Variants in CACNA1D observed in about 807,000 individuals in gnomAD.
The protein encoded by CACNA1D is calcium voltage-gated channel subunit alpha1 D.
Under a neutral mutation model 257.1 loss-of-function variants are expected in CACNA1D, and 55 were observed. That is an observed-to-expected ratio of 0.21 (90% CI 0.17 to 0.27). The LOEUF is 0.27. CACNA1D is among the 10% of genes least tolerant of loss of function. CACNA1D has a pLI of 1.00. For synonymous variants in CACNA1D, 980 were observed against 1,014.9 expected (o/e 0.97, Z 0.65); for missense variants, 1,876 against 2,784.0 (o/e 0.67, Z 7.34).
chr3:53,501,712 C>T lies in CACNA1D; in HGVS notation c.475C>T (p.His159Tyr), dbSNP rs2090611084. The T allele has an allele frequency of 2.6e-6, 4 of 1,560,162 alleles. No individual in the cohort carries two copies. The highest frequency in any genetic ancestry group is 1.7e-5 in the Admixed American group (1 of 59,930). Reference protein sequence around the residue: ...FPEDDSNSTNHNLEKVEYAFL... With the variant: ...FPEDDSNSTNYNLEKVEYAFL... ...TGAAGATGATTCTAATTCAACAAAT[C>T]ATAACTTGGTAAGTGTCCTTAGAGT... The change falls in exon 3 of 48, where the codon CAT (histidine) becomes TAT (tyrosine). Residue 159 changes from histidine (H) to tyrosine (Y), a missense_variant. Coordinates refer to ENST00000350061, the MANE Select transcript of CACNA1D (RefSeq NM_001128840.3).
At chr3:53,694,042 G>A (rs544725988) in intron 8 of CACNA1D, among the ~76,000 whole-genome samples, 1 of 152,338 alleles carries the variant, frequency 6.6e-6, no homozygotes, top group Non-Finnish European at 1.5e-5. Flanking sequence ...ATCTGCGGCA[G>A]TCCCATTCCA....
intron 3 of CACNA1D, among the ~76,000 whole-genome samples, chr3:53,549,201 G>A (rs1473617362): frequency 3.3e-5 from 5 of 152,188 alleles, no homozygotes; most frequent in Non-Finnish European, 5.9e-5. Context: ...GCTGAGTATA[G>A]TAGGCATTTT....
chr3:53,801,989 T>C (rs2095538524), intron 42 of CACNA1D, among the ~76,000 whole-genome samples, 158 bp from the exon 43 acceptor site: 1 of 152,246 alleles, frequency 6.6e-6, no homozygotes, highest in African/African-American at 2.4e-5. Context: ...TCATAGCCCA[T>C]GGGTCATACA....
intron 34 of CACNA1D, 110 bp from the exon 35 acceptor site, chr3:53,775,776 C>G: frequency 9.5e-7 from 1 of 1,054,128 alleles, no homozygotes; most frequent in Non-Finnish European, 1.5e-6. Flanking sequence ...ATTGGATTTT[C>G]TTCAAATGAC....
chr3:53,803,317 A>T, intron 43 of CACNA1D, 106 bp from the exon 44 acceptor site: 2 of 1,264,130 alleles, frequency 1.6e-6, no homozygotes, highest in Non-Finnish European at 2.3e-6. Flanking sequence ...CGCTGGGAGA[A>T]GCCAGGAGCA....
chr3:53,664,046 G>A (rs930657460), intron 5 of CACNA1D, among the ~76,000 whole-genome samples: 4 of 152,290 alleles, frequency 2.6e-5, no homozygotes, highest in East Asian at 1.9e-4. Flanking sequence ...GATTACAGGC[G>A]TGAGCTACCT....
At position 53,813,213 on chromosome 3, in the gene CACNA1D, A is replaced by G. The variant is rs2095608528; in HGVS notation, c.*1807A>G. The G allele has an allele frequency of 3.5e-5, 5 of 142,570 alleles. No individual in the cohort carries two copies. The allele number at this position is 142,570 out of a possible 1,614,324, so 8.8% of individuals were successfully genotyped here. A position where few individuals can be genotyped will look rare whatever the true frequency, so the allele number is the denominator to read the frequency against. On this transcript the variant is annotated 3_prime_UTR_variant, in exon 48 of 48. Transcript: ENST00000350061. ...ACAAACCTCTTCTTAAGACATTCTT[A>G]CTCTGATCCAGGCAAAAACACTTCA...
At chr3:53,520,890 C>CTTTCTTTCTTTCTTTCTTTCTTTCTTTCT (rs1366127073) in intron 3 of CACNA1D, among the ~76,000 whole-genome samples, 3 of 120,646 alleles carry the variant, frequency 2.5e-5, no homozygotes, top group South Asian at 2.6e-4. Context: ...TTCTTTCTTT[C>CTTTCTTTCTTTCTTTCTTTCTTTCTTTCT]TTTCTTTTCT....
intron 3 of CACNA1D, among the ~76,000 whole-genome samples, chr3:53,621,235 C>A (rs1315346592): frequency 6.6e-6 from 1 of 152,094 alleles, no homozygotes; most frequent in Non-Finnish European, 1.5e-5. Flanking sequence ...TCTCCATGGC[C>A]CCTATTTGAG....
At chr3:53,603,120 C>T (rs1357478467) in intron 3 of CACNA1D, among the ~76,000 whole-genome samples, 1 of 152,196 alleles carries the variant, frequency 6.6e-6, no homozygotes, top group African/African-American at 2.4e-5. Context: ...TGAAACTGTG[C>T]TCTTCATTTT....
chr3:53,677,620 A>G (rs1294856381), intron 8 of CACNA1D, among the ~76,000 whole-genome samples: 1 of 152,208 alleles, frequency 6.6e-6, no homozygotes, highest in Non-Finnish European at 1.5e-5. Context: ...CACTTTACAC[A>G]CACATCAACG....
At position 53,627,238 on chromosome 3, in the gene CACNA1D, G is replaced by C. The variant is rs75995324; in HGVS notation, c.484-23541G>C. 2.6e-3 allele frequency among the ~76,000 whole-genome samples: 393 copies of C among 152,304 alleles called. 2 individuals are homozygous for C. The highest frequency in any genetic ancestry group is 8.9e-3 in the African/African-American group (370 of 41,574). ...CCTGCTGCACAGCCTCTGGTTGCTA[G>C]AGTAACCTTGCATGGTGGCCAGTTC... On this transcript the variant is annotated intron_variant, in intron 3 of 47. Transcript: ENST00000350061.
chr3:53,668,257 A>G (rs1438425345), intron 7 of CACNA1D, among the ~76,000 whole-genome samples: 1 of 152,070 alleles, frequency 6.6e-6, no homozygotes, highest in African/African-American at 2.4e-5. Flanking sequence ...AAAATTTTAT[A>G]CTTTATGTTA....
chr3:53,603,669 G>A (rs1054948464), intron 3 of CACNA1D, among the ~76,000 whole-genome samples: 1 of 152,160 alleles, frequency 6.6e-6, no homozygotes, highest in Non-Finnish European at 1.5e-5. Context: ...CACTTCATGT[G>A]GCAGCAATAA....
intron 29 of CACNA1D, among the ~76,000 whole-genome samples, chr3:53,757,949 T>C (rs1368212168): frequency 6.6e-6 from 1 of 152,210 alleles, no homozygotes; most frequent in Non-Finnish European, 1.5e-5. Flanking sequence ...CTCTGTTTGT[T>C]GGTGAGCAGC....
At chr3:53,578,647 C>T (rs137978891) in intron 3 of CACNA1D, among the ~76,000 whole-genome samples, 184 of 152,058 alleles carry the variant, frequency 1.2e-3, no homozygotes, top group African/African-American at 4.2e-3. Context: ...TGCAATGGAG[C>T]CAGGTGGTGG....
At chr3:53,540,993 C>T (rs1030868582) in intron 3 of CACNA1D, among the ~76,000 whole-genome samples, 7 of 151,984 alleles carry the variant, frequency 4.6e-5, no homozygotes, top group East Asian at 1.9e-4. Context: ...CCATTTGCCT[C>T]GGCCTCCCAA....
rs144229993 is a variant in CACNA1D at position 53,722,365 on chromosome 3, C to T, written c.1557C>T (p.Ala519=). ...NRFNRRRCRA[A]VKSVTFYWLV... ...TCAATCGCAGAAGATGTAGGGCCGC[C>T]GTGAAGTCTGTCACGTTTTACTGGC... Residue 519 remains alanine (A), a synonymous_variant, in exon 12 of 48, where the codon GCC becomes GCT. Transcript: ENST00000350061. 6.4e-5 allele frequency: 103 copies of T among 1,614,212 alleles called. No individual in the cohort carries two copies. The African/African-American group carries it at 9.7e-4, about 15-fold the overall frequency.
At position 53,561,599 on chromosome 3, in the gene CACNA1D, C is replaced by T. The variant is rs1401442240; in HGVS notation, c.483+59879C>T. The stretch of plus-strand genomic sequence containing the variant: ...TGGCTGTTGACATAGAGCTTTGTAG[C>T]TGTCAAGGAAAATAGAGTAAACACA... On this transcript the variant is annotated intron_variant, in intron 3 of 47. Coordinates refer to ENST00000350061, the MANE Select transcript of CACNA1D (RefSeq NM_001128840.3). 5.3e-5 allele frequency among the ~76,000 whole-genome samples: 8 copies of T among 152,152 alleles called. No individual in the cohort carries two copies. In the South Asian group the frequency reaches 6.2e-4, roughly 12 times the overall value.
Sources: gnomAD v4.1 joint callset for allele counts (sites outside exome capture counted in the v4.1 genomes callset) on GRCh38, gnomAD v4.1.1 for gene constraint, MANE v1.5 for transcripts, NCBI Gene and HGNC (gene_info 2026-07-23, HGNC 2026-07-21) for gene names.